Variants in PTCH1 observed in about 807,000 individuals in gnomAD.
PTCH1 encodes patched 1.
In PTCH1, 14 loss-of-function variants were observed where a neutral mutation model predicts 144.6. The ratio of observed to expected loss-of-function variants is 0.10; its 90% confidence interval spans 0.06 to 0.15. The LOEUF (loss-of-function observed/expected upper bound fraction) is 0.15. PTCH1 is among the 10% of genes least tolerant of loss of function. The pLI, the probability that PTCH1 is intolerant of heterozygous loss-of-function variation, is 1.00. For missense variants in PTCH1, 1,623 were observed against 1,948.3 expected (o/e 0.83, Z 3.14); for synonymous variants, 833 against 793.6 (o/e 1.05, Z -0.83).
chr9:95,485,823 T>A lies in PTCH1; in HGVS notation c.446A>T (p.Glu149Val). 1 of 1,614,200 alleles carries A rather than the reference T, an allele frequency of 6.2e-7. No homozygotes were observed. The highest frequency in any genetic ancestry group is 1.3e-5 in the African/African-American group (1 of 75,052). ...GAGTTGAGGATTAAACATAGCCTCT[T>A]CTCCAATCTTCTGGCGAGTATAATT... Reference protein sequence around the residue: ...ELNYTRQKIGEEAMFNPQLMI... With the variant: ...ELNYTRQKIGVEAMFNPQLMI... The change falls in exon 3 of 24, where the codon GAA (glutamate) becomes GTA (valine). Residue 149 changes from glutamate (E) to valine (V), a missense_variant. Coordinates refer to ENST00000331920, the MANE Select transcript of PTCH1 (RefSeq NM_000264.5).
At chr9:95,510,019 C>G (rs1315391455), upstream of PTCH1, among the ~76,000 whole-genome samples, 1 of 146,860 alleles carries the variant, frequency 6.8e-6, no homozygotes, top group Admixed American at 6.8e-5. Flanking sequence ...AAAAAAAACA[C>G]AGTCTTGGTT....
exon 1 of PTCH1, chr9:95,516,936 G>C: frequency 1.2e-6 from 1 of 869,026 alleles, no homozygotes; most frequent in East Asian, 2.7e-5. Flanking sequence ...TAAACTCGAG[G>C]AACGTGCTAT....
At chr9:95,452,358 A>ACACACACACACACACAC (rs1239066232) in intron 20 of PTCH1, 1 of 94,030 alleles carries the variant, frequency 1.1e-5, no homozygotes, top group Non-Finnish European at 2.4e-5. Flanking sequence ...CACACACACA[A>ACACACACACACACACAC]CCTCTCAGTA....
Position 95,456,270 on chromosome 9 carries a change from C to A in PTCH1, c.3306+6G>T, listed in dbSNP as rs777678813. On this transcript the variant is annotated splice_donor_region_variant and intron_variant, in intron 19 of 23. Transcript: ENST00000331920. The stretch of plus-strand genomic sequence containing the variant: ...ACAAAGTTTTTGCTTCAAATGTCTC[C>A]CATACCAAAGCAACGTGAACGGTGA... 6.2e-7 allele frequency: 1 copy of A among 1,613,542 alleles called. No homozygotes were observed. Among genetic ancestry groups the A allele is most frequent in the African/African-American group, 1.3e-5 (1 of 75,036 alleles).
At chr9:95,478,002 C>A in intron 9 of PTCH1, 53 bp downstream of exon 9, 1 of 1,613,626 alleles carries the variant, frequency 6.2e-7, no homozygotes, top group Admixed American at 1.7e-5. Context: ...AAAGTAAAGA[C>A]TAAAACAACC....
intron 2 of PTCH1, among the ~76,000 whole-genome samples, chr9:95,486,933 T>C (rs1241620389): frequency 6.6e-6 from 1 of 152,140 alleles, no homozygotes; most frequent in Non-Finnish European, 1.5e-5. Context: ...CTAAAGTCAT[T>C]GATAAGTTGC....
intron 2 of PTCH1, among the ~76,000 whole-genome samples, chr9:95,492,625 T>C (rs958118774): frequency 3.3e-5 from 5 of 151,886 alleles, no homozygotes; most frequent in African/African-American, 9.7e-5. Context: ...TGCTTATGTG[T>C]GAATATCACC....
rs774528758 is a variant in PTCH1, at chr9:95,447,026, C to T, written c.4230G>A (p.Glu1410=). ...GGACGTGGAAAGGCACGTGGGGGTC[C>T]TCAAACAGGCCGTGGTCAGTCTCAG... ...GYPETDHGLF[E]DPHVPFHVRC... is the part of the protein sequence containing the mutation. Residue 1410 remains glutamate (E), a synonymous_variant, in exon 23 of 24, where the codon GAG becomes GAA. Coordinates refer to ENST00000331920, the MANE Select transcript of PTCH1 (RefSeq NM_000264.5). 26 of 1,614,218 alleles carry T rather than the reference C, an allele frequency of 1.6e-5. No individual in the cohort carries two copies. Among genetic ancestry groups the T allele is most frequent in the Non-Finnish European group, 2.1e-5 (25 of 1,180,038 alleles).
At chr9:95,486,094 C>T (rs1841945602) in intron 2 of PTCH1, among the ~76,000 whole-genome samples, 1 of 152,210 alleles carries the variant, frequency 6.6e-6, no homozygotes, top group African/African-American at 2.4e-5. Context: ...GCTGTCCCGC[C>T]TGTCACAGAC....
chr9:95,490,807 G>T (rs563401903), intron 2 of PTCH1, among the ~76,000 whole-genome samples: 10 of 152,150 alleles, frequency 6.6e-5, no homozygotes, highest in Non-Finnish European at 1.3e-4. Flanking sequence ...CCATAGCATA[G>T]TAGGGAGACT....
chr9:95,446,893 C>A lies in PTCH1; in HGVS notation c.*1+18G>T. 1 of 1,613,476 alleles carries A rather than the reference C, an allele frequency of 6.2e-7. No homozygotes were observed. Among genetic ancestry groups the A allele is most frequent in the Non-Finnish European group, 8.5e-7 (1 of 1,179,992 alleles). ...CCTGGCTCTAGGTCCCTTGGCTGCC[C>A]TTGTCAGTGGCACTCACCTCAGTTG... On this transcript the variant is annotated intron_variant, in intron 23 of 23. Transcript: ENST00000331920.
intron 9 of PTCH1, 26 bp downstream of exon 9, chr9:95,478,029 C>T (rs2118326234): frequency 6.2e-7 from 1 of 1,614,144 alleles, no homozygotes; most frequent in Non-Finnish European, 8.5e-7. Flanking sequence ...AACTCCAGCC[C>T]CCAGGAGCAT....
rs969928727 is a variant in PTCH1 at position 95,443,528 on chromosome 9, T to A, written c.*2865A>T. The stretch of plus-strand genomic sequence containing the variant: ...CCAAGGTTTGAAATGAGAAGCATGC[T>A]AGGTCGCCAATGGTAACTAATAAAC... On this transcript the variant is annotated 3_prime_UTR_variant, in exon 24 of 24. Transcript: ENST00000331920. 1 of 152,652 alleles carries A rather than the reference T, an allele frequency of 6.6e-6. No individual in the cohort carries two copies. The highest frequency in any genetic ancestry group is 1.5e-5 in the Non-Finnish European group (1 of 68,044). The allele number at this position is 152,652 out of a possible 1,614,324, so 9.5% of individuals were successfully genotyped here.
Position 95,508,042 on chromosome 9 carries a change from A to T in PTCH1, c.201+119T>A, listed in dbSNP as rs28475503. Reference sequence around the variant, plus strand: ...TGCTTTTCCTGGAGAGGTGTGAGTGAGTGTGTGTGTGTGTGTGAGAGAGAG... The same window carrying T: ...TGCTTTTCCTGGAGAGGTGTGAGTGTGTGTGTGTGTGTGTGTGAGAGAGAG... On this transcript the variant is annotated intron_variant, in intron 1 of 23. Coordinates refer to ENST00000331920, the MANE Select transcript of PTCH1 (RefSeq NM_000264.5). 21,667 of 858,230 alleles carry T rather than the reference A, an allele frequency of 0.025. 129 individuals carry two copies. Among genetic ancestry groups the T allele is most frequent in the East Asian group, 0.027 (659 of 24,132 alleles). 53.2% of individuals were successfully genotyped at this position (858,230 alleles called of 1,614,324 possible). A position where few individuals can be genotyped will look rare whatever the true frequency, so the allele number is the denominator to read the frequency against.
chr9:95,489,472 C>G (rs1188218849), intron 2 of PTCH1, among the ~76,000 whole-genome samples: 2 of 152,096 alleles, frequency 1.3e-5, no homozygotes, highest in Non-Finnish European at 2.9e-5. Context: ...CCCTAATACC[C>G]CAGATAACTC....
rs1844012930 is a variant in PTCH1 at position 95,509,245 on chromosome 9, GGAGGA to G, written c.-889_-885del. Among the ~76,000 whole-genome samples, 1 of 151,824 alleles carries G rather than the reference GGAGGA, an allele frequency of 6.6e-6. No homozygotes were observed. Among genetic ancestry groups the G allele is most frequent in the South Asian group, 2.1e-4 (1 of 4,790 alleles). On this transcript the variant is annotated 5_prime_UTR_variant, in exon 1 of 24. Transcript: ENST00000331920. ...ACTCTCTCCATTTGGAGAAAGAAGA[GGAGGA>G]GGGGAGGGGAGGGGGTGGAGGGGGA...
In PTCH1 at chr9:95,446,262, C is replaced by T. The variant is rs948286675; in HGVS notation, c.*131G>A. ...AAAATAATACAATCGGTTACAGTAA[C>T]AATGAACTGCTGTCCTGGCACAGGG... is the stretch of plus-strand genomic sequence containing the variant. On this transcript the variant is annotated 3_prime_UTR_variant, in exon 24 of 24. Transcript: ENST00000331920. The T allele has an allele frequency of 1.2e-4, 55 of 451,394 alleles. No homozygotes were observed. Among genetic ancestry groups the T allele is most frequent in the South Asian group, 8.3e-4 (53 of 63,662 alleles). 28.0% of individuals were successfully genotyped at this position (451,394 alleles called of 1,614,324 possible). A position where few individuals can be genotyped will look rare whatever the true frequency, so the allele number is the denominator to read the frequency against.
chr9:95,515,777 G>C (rs572848273), intron 1 of PTCH1, among the ~76,000 whole-genome samples: 182 of 152,306 alleles, frequency 1.2e-3, no homozygotes, highest in Non-Finnish European at 1.8e-3. Context: ...CTTACCCACC[G>C]CCCCTTCCAG....
At chr9:95,455,663 G>C (rs1838847170) in intron 19 of PTCH1, among the ~76,000 whole-genome samples, 1 of 152,204 alleles carries the variant, frequency 6.6e-6, no homozygotes, top group Non-Finnish European at 1.5e-5. Flanking sequence ...AATGTCTGTT[G>C]AAAGCAACAC....
Sources: allele counts gnomAD v4.1 joint callset (sites outside exome capture counted in the v4.1 genomes callset), GRCh38; gene constraint gnomAD v4.1.1; transcripts MANE v1.5; gene names NCBI Gene and HGNC (gene_info 2026-07-23, HGNC 2026-07-21).